The following ADCY7 variants were observed in gnomAD, a reference collection of about 807,000 sequenced individuals.
ADCY7 encodes adenylate cyclase type 7.
A neutral mutation model predicts 120.6 loss-of-function variants in ADCY7; 72 were observed. The ratio of observed to expected loss-of-function variants is 0.60; its 90% confidence interval spans 0.49 to 0.73. The LOEUF (loss-of-function observed/expected upper bound fraction) is 0.73, where lower values mean the gene tolerates loss of function less well. ADCY7 is among the 30% of genes least tolerant of loss of function. ADCY7 has a pLI of 0.00. For synonymous variants in ADCY7, 661 were observed against 628.0 expected (o/e 1.05, Z -0.78); for missense variants, 1,227 against 1,486.0 (o/e 0.83, Z 2.87).
Position 50,291,881 on chromosome 16 carries a change from T to C in ADCY7, c.521T>C (p.Val174Ala), listed in dbSNP as rs542589836. 4 of 1,612,138 alleles carry C rather than the reference T, an allele frequency of 2.5e-6. No individual in the cohort carries two copies. The highest frequency in any genetic ancestry group is 1.1e-5 in the South Asian group (1 of 90,900). Residue 174 changes from valine to alanine, a missense_variant, in exon 4 of 26, where the codon GTC becomes GCC. Val to Ala is a moderately conservative substitution (Grantham distance 64). Transcript: ENST00000673801. ...ATGGGAGGCTTCACGACACCCAGTG[T>C]CCGGGTGGGGCTGCAGGTGAGGGAT... ...SLMGGFTTPSVRVGLQLLANA... is the reference protein window; with the variant it reads ...SLMGGFTTPSARVGLQLLANA...
chr16:50,305,385 A>C, intron 12 of ADCY7, 118 bp from the exon 13 acceptor site: 1 of 895,850 alleles, frequency 1.1e-6, no homozygotes, highest in East Asian at 2.4e-5. Flanking sequence ...GGACCCACCC[A>C]TTCCTTCACC....
intron 1 of ADCY7, among the ~76,000 whole-genome samples, chr16:50,280,921 C>G (rs1486869704): frequency 6.6e-6 from 1 of 152,150 alleles, no homozygotes; most frequent in Non-Finnish European, 1.5e-5. Context: ...CAAGACTGAT[C>G]AGCAGCCTGT....
intron 1 of ADCY7, among the ~76,000 whole-genome samples, chr16:50,285,672 C>G (rs1057452632): frequency 1.3e-5 from 2 of 152,168 alleles, no homozygotes; most frequent in South Asian, 2.1e-4. Context: ...CTGAGGCAGG[C>G]CTGGAGGACA....
chr16:50,277,710 A>C (rs1596850960), intron 1 of ADCY7, among the ~76,000 whole-genome samples: 1 of 134,162 alleles, frequency 7.5e-6, no homozygotes. Context: ...TTGCTCTGTC[A>C]CCCAGGCTGG....
chr16:50,248,028 C>G (rs554915245), intron 1 of ADCY7, among the ~76,000 whole-genome samples: 1 of 152,160 alleles, frequency 6.6e-6, no homozygotes, highest in Non-Finnish European at 1.5e-5. Context: ...AGGACCCAAA[C>G]GACCAGTCCC....
At chr16:50,262,590 G>A (rs528215730), upstream of ADCY7, among the ~76,000 whole-genome samples, 139 of 152,264 alleles carry the variant, frequency 9.1e-4, no homozygotes, top group Admixed American at 4.2e-3. Flanking sequence ...GCCTCCCAAA[G>A]TACTGGGATT....
intron 1 of ADCY7, among the ~76,000 whole-genome samples, chr16:50,268,163 C>T (rs1384467839): frequency 6.6e-6 from 1 of 151,826 alleles, no homozygotes; most frequent in Non-Finnish European, 1.5e-5. Context: ...AGTAGTGACC[C>T]TCTTGGGTCA....
At chr16:50,285,754 C>T (rs1415011581) in intron 1 of ADCY7, among the ~76,000 whole-genome samples, 3 of 152,188 alleles carry the variant, frequency 2.0e-5, no homozygotes, top group Admixed American at 6.5e-5. Context: ...TGGCAGCTGT[C>T]CCCAAGTCCC....
intron 15 of ADCY7, 122 bp downstream of exon 15, chr16:50,307,269 A>G: frequency 1.2e-6 from 1 of 843,162 alleles, no homozygotes. Context: ...GGTCCTAGCA[A>G]CTGGACCAGG....
In ADCY7 at chr16:50,307,116, ATCCTGCTCGTCCATG is replaced by A; in HGVS notation, c.1828_1842del (p.Val610_Leu614del). 1.2e-6 allele frequency: 2 copies of A among 1,612,126 alleles called. No homozygotes were observed. The highest frequency in any genetic ancestry group is 1.1e-5 in the South Asian group (1 of 91,074). ...CTGCGCCAGCCTGATCTTCGTCTGC[ATCCTGCTCGTCCATG>A]TCCTGCTCATGCCCAGGTCAGTTGC... On this transcript the variant is annotated inframe_deletion, in exon 15 of 26. Transcript: ENST00000673801.
At chr16:50,298,458 A>G (rs111754901) in intron 7 of ADCY7, among the ~76,000 whole-genome samples, 72 of 152,188 alleles carry the variant, frequency 4.7e-4, no homozygotes, top group African/African-American at 1.5e-3. Context: ...TTTTCTCCTT[A>G]GCCCCCATCA....
intron 16 of ADCY7, 61 bp from the exon 17 acceptor site, chr16:50,308,606 G>T: frequency 1.3e-6 from 2 of 1,569,372 alleles, no homozygotes; most frequent in Non-Finnish European, 1.7e-6. Flanking sequence ...CAGGCTGCCA[G>T]CGACCAGCCC....
At chr16:50,265,510 C>T (rs1186682549), upstream of ADCY7, among the ~76,000 whole-genome samples, 5 of 152,166 alleles carry the variant, frequency 3.3e-5, no homozygotes. Flanking sequence ...ACTCTGTGAC[C>T]AGCTGGGGCT....
chr16:50,300,841 G>A lies in ADCY7; in HGVS notation c.1203G>A (p.Leu401=), dbSNP rs1435969733. Residue 401 remains leucine (L), a synonymous_variant, in exon 9 of 26, where the codon CTG becomes CTA. Transcript: ENST00000673801. ...QYDVWSHDVS[L]ANRMEAAGVP... The stretch of plus-strand genomic sequence containing the variant: ...ACGTGTGGTCCCACGACGTGTCCCT[G>A]GCCAACCGGATGGAGGCAGCCGGAG... The A allele has an allele frequency of 6.4e-7, 1 of 1,558,460 alleles. No individual in the cohort carries two copies. The highest frequency in any genetic ancestry group is 2.4e-5 in the East Asian group (1 of 41,372).
chr16:50,312,109 T>C lies in ADCY7; in HGVS notation c.2522T>C (p.Met841Thr). The C allele has an allele frequency of 1.2e-6, 2 of 1,614,110 alleles. No homozygotes were observed. The highest frequency in any genetic ancestry group is 1.7e-6 in the Non-Finnish European group (2 of 1,180,018). The change falls in exon 21 of 26, where the codon ATG becomes ACG. Residue 841 changes from methionine (M) to threonine (T), a missense_variant. By Grantham distance (81) the Met-to-Thr change is moderately conservative. Coordinates refer to ENST00000673801, the MANE Select transcript of ADCY7 (RefSeq NM_001114.5). ...FKKEHEEFET[M>T]ENVNRLLLEN... Reference sequence around the variant, plus strand: ...AAGGAGCACGAGGAGTTTGAGACCATGGAGAACGTGAACCGCCTTCTTCTG... The same window carrying C: ...AAGGAGCACGAGGAGTTTGAGACCACGGAGAACGTGAACCGCCTTCTTCTG...
At chr16:50,299,568 T>G (rs529441749) in intron 8 of ADCY7, among the ~76,000 whole-genome samples, 1 of 152,230 alleles carries the variant, frequency 6.6e-6, no homozygotes, top group Non-Finnish European at 1.5e-5. Flanking sequence ...CCAGCCAGGC[T>G]GACCAGTGTG....
At position 50,293,579 on chromosome 16, in the gene ADCY7, G is replaced by T. The variant is rs916540320; in HGVS notation, c.836+77G>T. 6.5e-5 allele frequency: 100 copies of T among 1,528,104 alleles called. No individual in the cohort carries two copies. The East Asian group carries it at 2.3e-3, about 36-fold the overall frequency. The allele number at this position is 1,528,104 out of a possible 1,614,324, so 94.7% of individuals were successfully genotyped here. ...CCACCGGCCCCCAGGCGGCCTCCCC[G>T]CCCTATCTGGAGGCTCAGACCCCTG... is the stretch of plus-strand genomic sequence containing the variant. On this transcript the variant is annotated intron_variant, in intron 6 of 25. Transcript: ENST00000673801.
At chr16:50,313,096 G>A (rs1275063127) in intron 22 of ADCY7, 60 bp downstream of exon 22, 12 of 1,596,700 alleles carry the variant, frequency 7.5e-6, no homozygotes, top group South Asian at 3.3e-5. Context: ...AGGGAAGGGC[G>A]GTGGCACCTG....
rs1203122573 is a variant in ADCY7, at chr16:50,291,824, C to A, written c.464C>A (p.Thr155Asn). ...RGAVAVGAVSTASHLLVLGSL... is the reference protein window; with the variant it reads ...RGAVAVGAVSNASHLLVLGSL... ...GCTGTCGCCGTTGGGGCCGTCTCCA[C>A]TGCCTCCCACCTCCTGGTGCTCGGT... The change falls in exon 4 of 26, where the codon ACT (threonine) becomes AAT (asparagine). Residue 155 changes from threonine (T) to asparagine (N), a missense_variant. By Grantham distance (65) the Thr-to-Asn change is moderately conservative. Coordinates refer to ENST00000673801, the MANE Select transcript of ADCY7 (RefSeq NM_001114.5). 1 of 1,614,086 alleles carries A rather than the reference C, an allele frequency of 6.2e-7. No individual in the cohort carries two copies. Among genetic ancestry groups the A allele is most frequent in the African/African-American group, 1.3e-5 (1 of 75,056 alleles).
Sources: gnomAD v4.1 joint callset for allele counts (sites outside exome capture counted in the v4.1 genomes callset) on GRCh38, gnomAD v4.1.1 for gene constraint, MANE v1.5 for transcripts, NCBI Gene and HGNC (gene_info 2026-07-23, HGNC 2026-07-21) for gene names.